Variants in TCP11L1 observed in about 807,000 individuals in gnomAD.
TCP11L1 encodes T-complex protein 11-like protein 1.
TCP11L1 carries 28 observed loss-of-function variants against 48.9 expected under a neutral mutation model. That is an observed-to-expected ratio of 0.57 (90% confidence interval 0.42 to 0.78). TCP11L1 has a LOEUF of 0.78. TCP11L1 is among the 30% of genes least tolerant of loss of function. TCP11L1 has a pLI of 0.00. For missense variants in TCP11L1, 505 were observed against 613.4 expected, an observed-to-expected ratio of 0.82 and a Z score of 1.87; for synonymous variants, 204 against 231.9, an observed-to-expected ratio of 0.88 and a Z score of 1.09.
intron 2 of TCP11L1, among the ~76,000 whole-genome samples, chr11:33,045,713 G>A (rs943224091): frequency 1.7e-4 from 26 of 152,122 alleles, no homozygotes; most frequent in African/African-American, 5.8e-4. Flanking sequence ...GAAGTCCAGT[G>A]GAGTCAAAAG....
At chr11:33,039,863 C>T (rs1343270488) in intron 1 of TCP11L1, 71 bp downstream of exon 1, 2 of 152,426 alleles carry the variant, frequency 1.3e-5, no homozygotes, top group African/African-American at 4.8e-5. Flanking sequence ...TCGCAGGCAT[C>T]TCTTCGCCTC....
In TCP11L1 at chr11:33,072,608, A is replaced by G. The variant is rs1315822956; in HGVS notation, c.1462A>G (p.Asn488Asp). Residue 488 changes from asparagine (N) to aspartate (D), a missense_variant, in exon 10 of 10, where the codon AAC (asparagine) becomes GAC (aspartate). Physicochemically the swap from Asn to Asp is conservative, Grantham distance 23. Transcript: ENST00000334274. ...TGCTATTAAATTTGCTCGCCTGGTC[A>G]ACTATAACAAGATGGTCTTCTGTCC... ...EVAIKFARLV[N>D]YNKMVFCPYY... The G allele has an allele frequency of 1.2e-6, 2 of 1,614,038 alleles. No homozygotes were observed. Among genetic ancestry groups the G allele is most frequent in the Non-Finnish European group, 8.5e-7 (1 of 1,180,034 alleles).
rs1032290097 is a variant in TCP11L1, at chr11:33,057,344, A to G, written c.417+109A>G. ...AAAGAAATTGAAGGATCAAGAAGTT[A>G]AAGTACTTGCCAGAAGGTGGATCAA... On this transcript the variant is annotated intron_variant, in intron 4 of 9. Transcript: ENST00000334274. 7.9e-5 allele frequency: 121 copies of G among 1,530,272 alleles called. No homozygotes were observed. The Admixed American group carries it at 1.4e-3, about 18-fold the overall frequency. The allele number at this position is 1,530,272 out of a possible 1,614,324, so 94.8% of individuals were successfully genotyped here. A position where few individuals can be genotyped will look rare whatever the true frequency, so the allele number is the denominator to read the frequency against.
chr11:33,064,659 C>T (rs1189321864), intron 7 of TCP11L1, among the ~76,000 whole-genome samples: 2 of 152,220 alleles, frequency 1.3e-5, no homozygotes, highest in East Asian at 3.8e-4. Context: ...GTTTCTTTCT[C>T]TTCCTCTTTA....
intron 9 of TCP11L1, among the ~76,000 whole-genome samples, chr11:33,072,123 C>T (rs1384431898): frequency 1.3e-5 from 2 of 152,026 alleles, no homozygotes; most frequent in African/African-American, 4.8e-5. Context: ...GGATTACAGG[C>T]GTGAGCCACC....
chr11:33,044,662 G>A (rs1464090437), intron 2 of TCP11L1, among the ~76,000 whole-genome samples: 1 of 152,220 alleles, frequency 6.6e-6, no homozygotes. Flanking sequence ...GTTTTGGGGT[G>A]TGTTTCTTCT....
At chr11:33,070,120 TAAAA>T (rs796625851) in intron 9 of TCP11L1, among the ~76,000 whole-genome samples, 1 of 144,824 alleles carries the variant, frequency 6.9e-6, no homozygotes, top group East Asian at 2.0e-4. Context: ...TACAAAAAAT[TAAAA>T]AAAAAAAATT....
intron 1 of TCP11L1, chr11:33,040,677 C>A (rs1434108505): frequency 6.6e-6 from 1 of 152,326 alleles, no homozygotes; most frequent in East Asian, 1.9e-4. Context: ...CTGGCCCCAA[C>A]GCATCTTTCC....
intron 8 of TCP11L1, among the ~76,000 whole-genome samples, chr11:33,066,653 G>C (rs998806793): frequency 6.6e-6 from 1 of 152,104 alleles, no homozygotes; most frequent in Non-Finnish European, 1.5e-5. Context: ...GATGCTGTCT[G>C]ACCCCTTCCT....
chr11:33,066,053 CAGAG>C (rs757198719), intron 8 of TCP11L1, 42 bp downstream of exon 8: 2 of 1,605,394 alleles, frequency 1.2e-6, no homozygotes, highest in Non-Finnish European at 1.7e-6. Context: ...CAGTGGATGT[CAGAG>C]AGCCGACTGG....
chr11:33,047,189 G>T (rs1854021941), intron 2 of TCP11L1, among the ~76,000 whole-genome samples: 1 of 150,746 alleles, frequency 6.6e-6, no homozygotes, highest in Non-Finnish European at 1.5e-5. Context: ...CTCCAGCCTA[G>T]GGGACAAGAG....
chr11:33,056,044 C>T (rs1854298723), intron 3 of TCP11L1, among the ~76,000 whole-genome samples: 1 of 152,116 alleles, frequency 6.6e-6, no homozygotes, highest in South Asian at 2.1e-4. Context: ...TCTCAAACTC[C>T]TGACCTTGTT....
rs1308967952 is a variant in TCP11L1, at chr11:33,054,713, T to C, written c.284T>C (p.Leu95Ser). The part of the protein sequence containing the change: ...NGDFQIKPVE[L>S]PENSLKKRVK... Reference sequence around the variant, plus strand: ...GACTTTCAGATTAAACCAGTTGAATTACCAGAAAACAGGTAAGGTGGTTGC... The same window carrying C: ...GACTTTCAGATTAAACCAGTTGAATCACCAGAAAACAGGTAAGGTGGTTGC... Residue 95 changes from leucine to serine, a missense_variant, in exon 3 of 10, where the codon TTA becomes TCA. Leu to Ser is a moderately radical substitution (Grantham distance 145). This residue lies in a region of TCP11L1 where 168 missense variants were observed against 183.5 expected (regional missense o/e 0.92). Coordinates refer to ENST00000334274, the MANE Select transcript of TCP11L1 (RefSeq NM_018393.4). The C allele has an allele frequency of 6.2e-7, 1 of 1,612,822 alleles. No individual in the cohort carries two copies. The highest frequency in any genetic ancestry group is 2.2e-5 in the East Asian group (1 of 44,840).
chr11:33,056,883 G>C (rs1363748812), intron 3 of TCP11L1, among the ~76,000 whole-genome samples: 1 of 152,116 alleles, frequency 6.6e-6, no homozygotes, highest in African/African-American at 2.4e-5. Context: ...ATTAATGTTG[G>C]CTATCCAGTT....
At chr11:33,043,705 GC>G (rs1336136294) in intron 1 of TCP11L1, 44 bp from the exon 2 acceptor site, 1 of 1,511,744 alleles carries the variant, frequency 6.6e-7, no homozygotes, top group African/African-American at 1.4e-5. Context: ...TGGTGACAGA[GC>G]TAGAATACTT....
Position 33,043,796 on chromosome 11 carries a change from C to T in TCP11L1, c.23C>T (p.Ser8Phe). ...AGAATGTCTGAAAACCTTGACAAGTCCAATGTAAATGAAGCAGGAAAATCA... is the reference window on the plus strand; with the variant it reads ...AGAATGTCTGAAAACCTTGACAAGTTCAATGTAAATGAAGCAGGAAAATCA... MSENLDKSNVNEAGKSKS... is the reference protein window; with the variant it reads MSENLDKFNVNEAGKSKS... The change falls in exon 2 of 10, where the codon TCC becomes TTC. Residue 8 changes from serine to phenylalanine, a missense_variant. Ser to Phe is a radical substitution (Grantham distance 155, BLOSUM62 -2). Around this residue, in one of 3 missense-constraint regions of TCP11L1, gnomAD observed 168 missense variants for 183.5 expected, o/e 0.92. Coordinates refer to ENST00000334274, the MANE Select transcript of TCP11L1 (RefSeq NM_018393.4). The T allele has an allele frequency of 6.2e-7, 1 of 1,611,368 alleles. No individual in the cohort carries two copies. Among genetic ancestry groups the T allele is most frequent in the Non-Finnish European group, 8.5e-7 (1 of 1,179,026 alleles).
rs147812034 is a variant in TCP11L1 at position 33,041,587 on chromosome 11, C to T, written c.-25+1795C>T. 3.3e-3 allele frequency among the ~76,000 whole-genome samples: 495 copies of T among 152,198 alleles called. 4 individuals are homozygous for T. The highest frequency in any genetic ancestry group is 0.011 in the African/African-American group (454 of 41,520). ...CCAACATAGTGAAACCCCATCTCTA[C>T]TAAAAATACGAAAATTAGCGAGGCG... On this transcript the variant is annotated intron_variant, in intron 1 of 9. Transcript: ENST00000334274.
At chr11:33,045,948 C>T (rs915813646) in intron 2 of TCP11L1, among the ~76,000 whole-genome samples, 1 of 152,174 alleles carries the variant, frequency 6.6e-6, no homozygotes, top group African/African-American at 2.4e-5. Context: ...ACATGTTCTG[C>T]TACTTGAGAT....
At chr11:33,056,091 C>G (rs1017234443) in intron 3 of TCP11L1, among the ~76,000 whole-genome samples, 2 of 152,034 alleles carry the variant, frequency 1.3e-5, no homozygotes, top group South Asian at 4.1e-4. Flanking sequence ...GCTGGGACTA[C>G]AGGTGTGAGC....
Sources: allele counts gnomAD v4.1 joint callset (sites outside exome capture counted in the v4.1 genomes callset), GRCh38; gene constraint gnomAD v4.1.1; regional missense constraint gnomAD v4.1.1; transcripts MANE v1.5; gene names NCBI Gene and HGNC (gene_info 2026-07-23, HGNC 2026-07-21).